CNR2: variants seen among roughly 807,000 people sequenced by gnomAD.
CNR2 encodes the protein cannabinoid receptor 2 (macrophage).
For synonymous variants in CNR2, 172 were observed against 182.2 expected, an observed-to-expected ratio of 0.94 and a Z score of 0.45; for missense variants, 379 against 439.9, an observed-to-expected ratio of 0.86 and a Z score of 1.24.
At chr1:23,881,236 A>G (rs1639981785) in intron 1 of CNR2, among the ~76,000 whole-genome samples, 1 of 151,820 alleles carries the variant, frequency 6.6e-6, no homozygotes, top group African/African-American at 2.4e-5. Flanking sequence ...AAATCACACC[A>G]TTGCACTCCA....
At chr1:23,902,778 G>T in intron 1 of CNR2, 1 of 1,471,938 alleles carries the variant, frequency 6.8e-7, no homozygotes, top group Non-Finnish European at 8.9e-7. Flanking sequence ...TTGTTGCCAA[G>T]TGTGGGCTGC....
In CNR2 at chr1:23,891,335, C is replaced by G. The variant is rs1043838225; in HGVS notation, c.-45-15673G>C. ...TATGAATTATACTGAAAATCCAAATCAGGCCAGGCACGGTGGCTCACACCT... is the reference window on the plus strand; with the variant it reads ...TATGAATTATACTGAAAATCCAAATGAGGCCAGGCACGGTGGCTCACACCT... On this transcript the variant is annotated intron_variant, in intron 1 of 1. Transcript: ENST00000374472. 5.3e-5 allele frequency among the ~76,000 whole-genome samples: 8 copies of G among 150,910 alleles called. 1 individual carries two copies. The highest frequency in any genetic ancestry group is 1.2e-4 in the Non-Finnish European group (8 of 67,832).
intron 1 of CNR2, among the ~76,000 whole-genome samples, chr1:23,881,189 T>A (rs1639980738): frequency 6.6e-6 from 1 of 151,734 alleles, no homozygotes; most frequent in Non-Finnish European, 1.5e-5. Context: ...GGCAGGAGAA[T>A]CGCTTGAACC....
At chr1:23,889,092 G>C (rs545549448) in intron 1 of CNR2, among the ~76,000 whole-genome samples, 1 of 152,124 alleles carries the variant, frequency 6.6e-6, no homozygotes, top group East Asian at 1.9e-4. Flanking sequence ...CATAGGGAGC[G>C]TCCATGGTGG....
At chr1:23,904,265 C>T (rs1038207757) in intron 1 of CNR2, among the ~76,000 whole-genome samples, 9 of 151,452 alleles carry the variant, frequency 5.9e-5, no homozygotes, top group Non-Finnish European at 7.4e-5. Context: ...CTCTGCTTCC[C>T]GGGTTCAAGT....
intron 1 of CNR2, chr1:23,902,492 C>G (rs1250397999): frequency 1.2e-5 from 20 of 1,606,280 alleles, no homozygotes. Context: ...CCAGATCGAT[C>G]TCATCACTGT....
chr1:23,887,214 G>A (rs1264278479), intron 1 of CNR2, among the ~76,000 whole-genome samples: 1 of 152,200 alleles, frequency 6.6e-6, no homozygotes, highest in Non-Finnish European at 1.5e-5. Context: ...GTGAGTGACA[G>A]ACAGTGCAAG....
rs1394248539 is a variant in CNR2, at chr1:23,874,474, C to T, written c.*61G>A. 3.3e-6 allele frequency: 5 copies of T among 1,533,048 alleles called. No homozygotes were observed. Among genetic ancestry groups the T allele is most frequent in the African/African-American group, 1.4e-5 (1 of 72,258 alleles). 95.0% of individuals were successfully genotyped at this position (1,533,048 alleles called of 1,614,324 possible). A position where few individuals can be genotyped will look rare whatever the true frequency, so the allele number is the denominator to read the frequency against. ...AAGAAGAGAGTGCCAAGACCCCTCT[C>T]TCTCTTCCAGGGAGTGAACTGATTT... is the stretch of plus-strand genomic sequence containing the variant. On this transcript the variant is annotated 3_prime_UTR_variant, in exon 2 of 2. Coordinates refer to ENST00000374472, the MANE Select transcript of CNR2 (RefSeq NM_001841.3).
intron 1 of CNR2, among the ~76,000 whole-genome samples, chr1:23,904,995 G>A (rs955596853): frequency 2.6e-5 from 4 of 152,108 alleles, no homozygotes; most frequent in Admixed American, 2.6e-4. Flanking sequence ...TGCATCAGTC[G>A]GGGGTTGAGG....
In CNR2 at chr1:23,890,472, G is replaced by A. The variant is rs115189935; in HGVS notation, c.-45-14810C>T. Among the ~76,000 whole-genome samples, 1,327 of 151,940 alleles carry A rather than the reference G, an allele frequency of 8.7e-3. 14 individuals are homozygous for A. Among genetic ancestry groups the A allele is most frequent in the Middle Eastern group, 0.031 (9 of 294 alleles). On this transcript the variant is annotated intron_variant, in intron 1 of 1. Transcript: ENST00000374472. ...CCCATCAGAAACAGACCCGCTGGGC[G>A]AGGTGGCTCACGCTTATAATCCCAG...
chr1:23,877,003 G>A (rs1469945065), intron 1 of CNR2, among the ~76,000 whole-genome samples: 1 of 152,100 alleles, frequency 6.6e-6, no homozygotes, highest in East Asian at 1.9e-4. Flanking sequence ...TTTCTAAACA[G>A]GTTGTATAGG....
chr1:23,902,159 A>C, intron 1 of CNR2: 2 of 1,416,490 alleles, frequency 1.4e-6, no homozygotes, highest in Non-Finnish European at 2.0e-6. Flanking sequence ...TGCCTCTTGC[A>C]CTCTGCCTTG....
At chr1:23,891,001 C>T (rs1640181117) in intron 1 of CNR2, among the ~76,000 whole-genome samples, 1 of 151,538 alleles carries the variant, frequency 6.6e-6, no homozygotes, top group Admixed American at 6.6e-5. Flanking sequence ...GCCTCAGCCA[C>T]CCAAGTAGCT....
chr1:23,887,875 G>A (rs775446677), intron 1 of CNR2, among the ~76,000 whole-genome samples: 23 of 151,330 alleles, frequency 1.5e-4, no homozygotes, highest in Non-Finnish European at 2.1e-4. Context: ...AAAATTAACC[G>A]TCTGTCCCAA....
chr1:23,878,242 T>C (rs1639922837), intron 1 of CNR2, among the ~76,000 whole-genome samples: 1 of 151,872 alleles, frequency 6.6e-6, no homozygotes. Context: ...TGCATGCCTA[T>C]TGTCTCAGCT....
intron 1 of CNR2, among the ~76,000 whole-genome samples, chr1:23,897,737 G>A (rs1640308395): frequency 6.6e-6 from 1 of 152,136 alleles, no homozygotes; most frequent in Admixed American, 6.5e-5. Flanking sequence ...TGGGATTACA[G>A]GCATGAGCCA....
At chr1:23,901,646 G>T in intron 1 of CNR2, 5 of 1,523,682 alleles carry the variant, frequency 3.3e-6, no homozygotes, top group Non-Finnish European at 4.6e-6. Context: ...CATGTAGAAG[G>T]TGTCTTGTTC....
intron 1 of CNR2, among the ~76,000 whole-genome samples, chr1:23,879,949 C>T (rs1639950416): frequency 6.6e-6 from 1 of 152,112 alleles, no homozygotes; most frequent in African/African-American, 2.4e-5. Context: ...GTGTTATGGT[C>T]CCTTCTACCA....
At chr1:23,878,689 T>C (rs1270418150) in intron 1 of CNR2, among the ~76,000 whole-genome samples, 1 of 152,196 alleles carries the variant, frequency 6.6e-6, no homozygotes, top group Non-Finnish European at 1.5e-5. Flanking sequence ...CCAAGTAGAA[T>C]TTTTAAAAAC....
Sources: gnomAD v4.1 joint callset for allele counts (sites outside exome capture counted in the v4.1 genomes callset) on GRCh38, gnomAD v4.1.1 for gene constraint, MANE v1.5 for transcripts, NCBI Gene and HGNC (gene_info 2026-07-23, HGNC 2026-07-21) for gene names.